Variants in CAST observed in about 807,000 individuals in gnomAD.
CAST encodes the protein calpastatin.
Under a neutral mutation model 119.6 loss-of-function variants are expected in CAST, and 76 were observed. The observed-to-expected ratio is 0.64, with a 90% confidence interval of 0.53 to 0.77. CAST has a LOEUF of 0.77. CAST is among the 30% of genes least tolerant of loss of function. CAST has a pLI of 0.00. For missense variants in CAST, 953 were observed against 946.5 expected, an observed-to-expected ratio of 1.01 and a Z score of -0.09; for synonymous variants, 319 against 331.6, an observed-to-expected ratio of 0.96 and a Z score of 0.41.
chr5:96,246,187 C>CTTTTTTTTTTTTTTTTTTTTTTTTTTTTT, the CAST span, among the ~76,000 whole-genome samples: 3 of 76,386 alleles, frequency 3.9e-5, no homozygotes, highest in Non-Finnish European at 4.9e-5. Flanking sequence ...GTCTGTCTTC[C>CTTTTTTTTTTTTTTTTTTTTTTTTTTTTT]TTTTTTTTTT....
chr5:96,641,605 C>CCTT (rs986998557), intron 1 of CAST, among the ~76,000 whole-genome samples: 4 of 152,296 alleles, frequency 2.6e-5, no homozygotes, highest in East Asian at 1.9e-4. Context: ...TCATCTACAG[C>CCTT]CTTCTTCTGC....
chr5:96,071,305 C>A, the CAST span, among the ~76,000 whole-genome samples: 1 of 152,130 alleles, frequency 6.6e-6, no homozygotes, highest in Non-Finnish European at 1.5e-5. Context: ...CTTTCCCAGA[C>A]ACACCATTCC....
the CAST span, among the ~76,000 whole-genome samples, chr5:96,104,126 G>T: frequency 6.6e-6 from 1 of 152,058 alleles, no homozygotes; most frequent in African/African-American, 2.4e-5. Context: ...TGTAGATTCT[G>T]GATATTAACC....
chr5:96,260,810 C>T, the CAST span, among the ~76,000 whole-genome samples: 8 of 152,336 alleles, frequency 5.3e-5, no homozygotes, highest in African/African-American at 1.4e-4. Flanking sequence ...TGCCTCATAG[C>T]TCTTCCGTGT....
At chr5:96,204,224 T>C in the CAST span, among the ~76,000 whole-genome samples, 1 of 151,984 alleles carries the variant, frequency 6.6e-6, no homozygotes, top group Non-Finnish European at 1.5e-5. Flanking sequence ...ACTGGCCCCT[T>C]CCCTCATAGG....
the CAST span, among the ~76,000 whole-genome samples, chr5:96,369,418 G>T: frequency 1.3e-5 from 2 of 152,156 alleles, no homozygotes; most frequent in East Asian, 3.9e-4. Context: ...TCAGATTCAT[G>T]GCTGAAGTTT....
the CAST span, among the ~76,000 whole-genome samples, chr5:96,418,020 T>G: frequency 6.6e-6 from 1 of 152,240 alleles, no homozygotes; most frequent in Non-Finnish European, 1.5e-5. Flanking sequence ...ATCAATCTGC[T>G]GACAGACATC....
chr5:95,991,240 A>T, the CAST span, among the ~76,000 whole-genome samples: 1 of 152,200 alleles, frequency 6.6e-6, no homozygotes, highest in Non-Finnish European at 1.5e-5. Context: ...CATCAATTCC[A>T]TATAGTCTAT....
chr5:96,645,280 C>T (rs780599151), intron 1 of CAST, among the ~76,000 whole-genome samples: 2 of 152,174 alleles, frequency 1.3e-5, no homozygotes, highest in East Asian at 3.9e-4. Flanking sequence ...AGTGCTAAAG[C>T]GGCCTTCTTG....
At chr5:96,411,955 A>G in the CAST span, among the ~76,000 whole-genome samples, 3,682 of 152,142 alleles carry the variant, frequency 0.024, 149 homozygotes, top group African/African-American at 0.084. Context: ...GACTATAGGC[A>G]TCTAAGTTGA....
At chr5:96,674,771 G>GTAGGGTGACTACAGTATATAATATA in intron 1 of CAST, among the ~76,000 whole-genome samples, 1 of 152,168 alleles carries the variant, frequency 6.6e-6, no homozygotes, top group Non-Finnish European at 1.5e-5. Flanking sequence ...ACAGTTAACA[G>GTAGGGTGACTACAGTATATAATATA]TAATGTATTA....
At chr5:96,379,829 G>A in the CAST span, among the ~76,000 whole-genome samples, 3 of 152,170 alleles carry the variant, frequency 2.0e-5, no homozygotes, top group Non-Finnish European at 2.9e-5. Context: ...GATCAGAGGT[G>A]TAGCCACATT....
At chr5:96,349,842 T>C in the CAST span, among the ~76,000 whole-genome samples, 1 of 151,966 alleles carries the variant, frequency 6.6e-6, no homozygotes, top group Non-Finnish European at 1.5e-5. Flanking sequence ...GAAGTTGGAA[T>C]GGAGAGAGAG....
At chr5:96,484,284 A>G in the CAST span, among the ~76,000 whole-genome samples, 1 of 152,106 alleles carries the variant, frequency 6.6e-6, no homozygotes, top group Non-Finnish European at 1.5e-5. Context: ...TCCAGTTGTC[A>G]CTCTTACGCA....
chr5:96,563,355 G>A (rs1278599275), intron 1 of CAST, among the ~76,000 whole-genome samples: 1 of 152,086 alleles, frequency 6.6e-6, no homozygotes, highest in Non-Finnish European at 1.5e-5. Context: ...GACCCAGGAT[G>A]AGTAGGAGGA....
At chr5:96,387,480 T>C in the CAST span, among the ~76,000 whole-genome samples, 1 of 152,200 alleles carries the variant, frequency 6.6e-6, no homozygotes, top group East Asian at 1.9e-4. Context: ...GTGGGCTTTC[T>C]TCCTTCTAAT....
chr5:96,695,219 G>A (rs1402028718), intron 2 of CAST, among the ~76,000 whole-genome samples: 1 of 152,112 alleles, frequency 6.6e-6, no homozygotes, highest in Non-Finnish European at 1.5e-5. Context: ...GTTACTCATG[G>A]TATTTAAAAC....
intron 1 of CAST, among the ~76,000 whole-genome samples, chr5:96,552,645 G>T (rs1746156609): frequency 6.6e-6 from 1 of 152,066 alleles, no homozygotes; most frequent in Non-Finnish European, 1.5e-5. Flanking sequence ...TTTTTGAAAA[G>T]ATCAACAAAA....
chr5:96,119,964 A>G, the CAST span, among the ~76,000 whole-genome samples: 100,581 of 152,064 alleles, frequency 0.66, 33,771 homozygotes, highest in African/African-American at 0.75. Flanking sequence ...GCTGGACATC[A>G]CCAGTATCTT....
Sources: gnomAD v4.1 joint callset for allele counts (sites outside exome capture counted in the v4.1 genomes callset) on GRCh38, gnomAD v4.1.1 for gene constraint, MANE v1.5 for transcripts, NCBI Gene and HGNC (gene_info 2026-07-23, HGNC 2026-07-21) for gene names.